The following CMSS1 variants were observed in gnomAD, a reference collection of about 807,000 sequenced individuals.
The protein encoded by CMSS1 is protein CMSS1.
Under a neutral mutation model 43.5 loss-of-function variants are expected in CMSS1, and 33 were observed. The ratio of observed to expected loss-of-function variants is 0.76; its 90% CI spans 0.57 to 1.01. CMSS1 has a LOEUF of 1.01. Ranked by LOEUF, CMSS1 falls within the 50% of genes least tolerant of loss-of-function variation. CMSS1 has a pLI of 0.00. For synonymous variants in CMSS1, 115 were observed against 117.2 expected (o/e 0.98, Z 0.12); for missense variants, 313 against 326.4 (o/e 0.96, Z 0.32).
intron 1 of CMSS1, among the ~76,000 whole-genome samples, chr3:99,821,193 G>T (rs1184350596): frequency 6.6e-6 from 1 of 152,188 alleles, no homozygotes; most frequent in African/African-American, 2.4e-5. Context: ...GTTCTACATT[G>T]CACTGGAGCT....
chr3:99,995,065 T>C (rs1709637121), intron 1 of CMSS1, among the ~76,000 whole-genome samples: 4 of 152,148 alleles, frequency 2.6e-5, no homozygotes. Context: ...TCTTAACTCA[T>C]TTCAGCATTA....
chr3:100,064,692 T>G (rs1469212017), intron 1 of CMSS1, among the ~76,000 whole-genome samples: 3 of 152,226 alleles, frequency 2.0e-5, no homozygotes, highest in African/African-American at 7.2e-5. Flanking sequence ...CTGATTTTCT[T>G]TAGCTTCAGA....
intron 1 of CMSS1, chr3:99,850,961 C>CA: frequency 6.2e-7 from 1 of 1,614,160 alleles, no homozygotes; most frequent in South Asian, 1.1e-5. Flanking sequence ...ACCATCAAAG[C>CA]AAAAGACTTC....
In CMSS1 at chr3:100,147,038, G is replaced by C; in HGVS notation, c.130G>C (p.Val44Leu). Reference sequence around the variant, plus strand: ...GCAGCAGGAGACAGTTCCAGTTCCTGTACCTTCAGAGAAAACCAAACAGGT... The same window carrying C: ...GCAGCAGGAGACAGTTCCAGTTCCTCTACCTTCAGAGAAAACCAAACAGGT... ...VMQQETVPVP[V>L]PSEKTKQPKE... Residue 44 changes from valine to leucine, a missense_variant, in exon 2 of 10, where the codon GTA becomes CTA. Transcript: ENST00000421999. The C allele has an allele frequency of 6.2e-7, 1 of 1,613,938 alleles. No homozygotes were observed. Among genetic ancestry groups the C allele is most frequent in the South Asian group, 1.1e-5 (1 of 91,058 alleles).
Position 99,956,969 on chromosome 3 carries a change from A to G in CMSS1, c.64+138926A>G, listed in dbSNP as rs376965343. 2.0e-5 allele frequency among the ~76,000 whole-genome samples: 3 copies of G among 152,300 alleles called. No homozygotes were observed. The South Asian group carries it at 6.2e-4, about 32-fold the overall frequency. ...AACCTCTTCTTAAAGAGGTCTTCCTACCTATTTCTGTCCAGGGCTCTAGCT... is the reference window on the plus strand; with the variant it reads ...AACCTCTTCTTAAAGAGGTCTTCCTGCCTATTTCTGTCCAGGGCTCTAGCT... On this transcript the variant is annotated intron_variant, in intron 1 of 9. Coordinates refer to ENST00000421999, the MANE Select transcript of CMSS1 (RefSeq NM_032359.4).
chr3:100,042,424 A>G (rs2065220580), intron 1 of CMSS1, among the ~76,000 whole-genome samples: 1 of 152,226 alleles, frequency 6.6e-6, no homozygotes, highest in African/African-American at 2.4e-5. Context: ...TGTGAGCACC[A>G]TCATGTAATA....
chr3:99,966,099 A>G (rs946866366), intron 1 of CMSS1, among the ~76,000 whole-genome samples: 3 of 152,214 alleles, frequency 2.0e-5, no homozygotes, highest in Non-Finnish European at 4.4e-5. Context: ...AGTGATATTT[A>G]CAGGGATATC....
At chr3:99,940,652 G>A (rs1022601506) in intron 1 of CMSS1, among the ~76,000 whole-genome samples, 18 of 152,198 alleles carry the variant, frequency 1.2e-4, no homozygotes. Context: ...CTAGGAAGAT[G>A]TGAATCCTAA....
chr3:99,833,393 T>A (rs1398279643), intron 1 of CMSS1: 1 of 700,762 alleles, frequency 1.4e-6, no homozygotes, highest in Non-Finnish European at 2.4e-6. Context: ...CAGTGAGTTA[T>A]TAGAAGGCAT....
intron 1 of CMSS1, among the ~76,000 whole-genome samples, chr3:100,093,822 A>G (rs2066156302): frequency 1.3e-5 from 2 of 152,192 alleles, no homozygotes; most frequent in African/African-American, 4.8e-5. Flanking sequence ...TAGGATTGAC[A>G]TTTTTTTCAC....
intron 1 of CMSS1, among the ~76,000 whole-genome samples, chr3:99,958,016 C>T (rs1708382988): frequency 6.7e-6 from 1 of 148,666 alleles, no homozygotes; most frequent in South Asian, 2.1e-4. Flanking sequence ...GCTGGATATT[C>T]ATATGTTTAT....
intron 1 of CMSS1, among the ~76,000 whole-genome samples, chr3:99,877,891 A>C (rs973885608): frequency 6.6e-6 from 1 of 152,208 alleles, no homozygotes; most frequent in Non-Finnish European, 1.5e-5. Context: ...CTTGTTTTGC[A>C]TCTTTTTCCC....
At chr3:99,850,970 T>G in intron 1 of CMSS1, 1 of 1,614,168 alleles carries the variant, frequency 6.2e-7, no homozygotes, top group Non-Finnish European at 8.5e-7. Flanking sequence ...GCAAAAGACT[T>G]CAGCTTGGTC....
intron 1 of CMSS1, among the ~76,000 whole-genome samples, chr3:100,139,220 G>A (rs1390723686): frequency 1.3e-5 from 2 of 151,954 alleles, no homozygotes. Flanking sequence ...AGGGAACTTA[G>A]AGGATGGGTC....
intron 1 of CMSS1, among the ~76,000 whole-genome samples, chr3:100,099,647 C>G (rs1230476912): frequency 6.6e-6 from 1 of 152,128 alleles, no homozygotes; most frequent in Non-Finnish European, 1.5e-5. Context: ...AAGATTATCT[C>G]TAGAAAACTA....
chr3:99,988,477 A>C (rs1270442852), intron 1 of CMSS1, among the ~76,000 whole-genome samples: 1 of 139,298 alleles, frequency 7.2e-6, no homozygotes, highest in Non-Finnish European at 1.5e-5. Context: ...ATGCCACTGC[A>C]CTCCAGCCTG....
rs542529657 is a variant in CMSS1, at chr3:100,040,355, A to G, written c.65-106618A>G. On this transcript the variant is annotated intron_variant, in intron 1 of 9. Coordinates refer to ENST00000421999, the MANE Select transcript of CMSS1 (RefSeq NM_032359.4). The stretch of plus-strand genomic sequence containing the variant: ...ACTATTTATCCAGGCCATAAACAGT[A>G]TATTAAAGTTCTCTCCCCGAGAATC... The G allele has an allele frequency of 9.8e-5, 15 of 152,348 alleles. No individual in the cohort carries two copies. In the East Asian group the frequency reaches 2.9e-3, roughly 29 times the overall value. The allele number at this position is 152,348 out of a possible 1,614,324, so 9.4% of individuals were successfully genotyped here. A position where few individuals can be genotyped will look rare whatever the true frequency, so the allele number is the denominator to read the frequency against.
intron 1 of CMSS1, among the ~76,000 whole-genome samples, chr3:99,833,616 A>T (rs555006009): frequency 6.6e-6 from 1 of 152,348 alleles, no homozygotes; most frequent in South Asian, 2.1e-4. Context: ...AAAGGAAATT[A>T]ATTTTGTAAG....
At chr3:99,841,732 A>T (rs1024264016) in intron 1 of CMSS1, among the ~76,000 whole-genome samples, 1 of 152,248 alleles carries the variant, frequency 6.6e-6, no homozygotes, top group Non-Finnish European at 1.5e-5. Flanking sequence ...ATATAAAAAA[A>T]TGCTCAACAT....
Sources: allele counts gnomAD v4.1 joint callset (sites outside exome capture counted in the v4.1 genomes callset), GRCh38; gene constraint gnomAD v4.1.1; transcripts MANE v1.5; gene names NCBI Gene and HGNC (gene_info 2026-07-23, HGNC 2026-07-21).